Variants in NR1D2 observed in about 807,000 individuals in gnomAD.
The protein encoded by NR1D2 is V-erbA-related protein 1-related.
A neutral mutation model predicts 52.2 loss-of-function variants in NR1D2; 25 were observed. The observed-to-expected ratio is 0.48, with a 90% CI of 0.35 to 0.67. NR1D2 has a LOEUF of 0.67. Ranked by LOEUF, NR1D2 falls within the 30% of genes least tolerant of loss-of-function variation. The pLI is 0.01. For missense variants in NR1D2, 681 were observed against 707.2 expected (o/e 0.96, Z 0.42); for synonymous variants, 259 against 230.1 (o/e 1.13, Z -1.14).
At chr3:23,969,931 G>A (rs1357245626) in intron 7 of NR1D2, among the ~76,000 whole-genome samples, 2 of 152,158 alleles carry the variant, frequency 1.3e-5, no homozygotes, top group Admixed American at 6.5e-5. Flanking sequence ...GGCCGGGGAA[G>A]GGTCAGGTGG....
chr3:23,947,009 G>C (rs1214560757), intron 1 of NR1D2, among the ~76,000 whole-genome samples: 3 of 152,038 alleles, frequency 2.0e-5, no homozygotes, highest in African/African-American at 7.2e-5. Flanking sequence ...TTTTATTTAC[G>C]TATTTTTAGA....
chr3:23,954,586 C>G lies in NR1D2; in HGVS notation c.66C>G (p.Ala22=). 2 of 1,614,134 alleles carry G rather than the reference C, an allele frequency of 1.2e-6. No homozygotes were observed. The highest frequency in any genetic ancestry group is 1.7e-6 in the Non-Finnish European group (2 of 1,179,978). The change falls in exon 2 of 8, where the codon GCC becomes GCG. Residue 22 remains alanine, a synonymous_variant. Coordinates refer to ENST00000312521, the MANE Select transcript of NR1D2 (RefSeq NM_005126.5). ...ISSSSSASSP[A]SCHSEGSENS... is the part of the protein sequence containing the mutation. ...CTTCCAGCTCAGCCTCAAGCCCTGC[C>G]TCTTGTCACAGTGAGGGTTCTGAGA...
At chr3:23,972,209 G>A (rs1281354905) in intron 7 of NR1D2, among the ~76,000 whole-genome samples, 1 of 152,056 alleles carries the variant, frequency 6.6e-6, no homozygotes, top group Non-Finnish European at 1.5e-5. Context: ...CTGTGAGCTG[G>A]GACATGTTAT....
At position 23,979,892 on chromosome 3, in the gene NR1D2, A is replaced by G. The variant is rs1309006411; in HGVS notation, c.*2473A>G. ...GCTTTAACTTTGATTTTACATTTTA[A>G]AGTTAAAATGTGGGCATTATGTCAG... On this transcript the variant is annotated 3_prime_UTR_variant, in exon 8 of 8. Transcript: ENST00000312521. 2 of 152,142 alleles carry G rather than the reference A, an allele frequency of 1.3e-5. No homozygotes were observed. The allele number at this position is 152,142 out of a possible 1,614,324, so 9.4% of individuals were successfully genotyped here.
chr3:23,945,602 C>A lies in NR1D2; in HGVS notation c.16+8C>A. 8.5e-7 allele frequency: 1 copy of A among 1,173,302 alleles called. No individual in the cohort carries two copies. 72.7% of individuals were successfully genotyped at this position (1,173,302 alleles called of 1,614,324 possible). A position where few individuals can be genotyped will look rare whatever the true frequency, so the allele number is the denominator to read the frequency against. On this transcript the variant is annotated splice_region_variant and intron_variant, in intron 1 of 7. Transcript: ENST00000312521. ...CCATGGAGGTGAATGCAGGTAAGAA[C>A]CGGACTGCGGCGGGTGGGGGATGGC...
intron 4 of NR1D2, among the ~76,000 whole-genome samples, chr3:23,961,389 C>CTTTTTT (rs869108010): frequency 4.7e-4 from 36 of 75,978 alleles, no homozygotes; most frequent in Admixed American, 8.5e-4. Context: ...CTTTTTCTTT[C>CTTTTTT]TTTTTTTTTT....
intron 4 of NR1D2, chr3:23,960,053 A>AT (rs1003034007): frequency 9.8e-5 from 30 of 307,260 alleles, no homozygotes; most frequent in South Asian, 1.9e-4. Flanking sequence ...AAAAAGAGCC[A>AT]TTTTTTTTCT....
intron 5 of NR1D2, 58 bp downstream of exon 5, chr3:23,962,663 T>C: frequency 2.0e-6 from 3 of 1,502,694 alleles, no homozygotes; most frequent in South Asian, 1.3e-5. Context: ...GAAAATTTTC[T>C]TTTATTCGGG....
At chr3:23,971,188 CT>C (rs1424549898) in intron 7 of NR1D2, among the ~76,000 whole-genome samples, 3 of 152,068 alleles carry the variant, frequency 2.0e-5, no homozygotes, top group African/African-American at 7.2e-5. Context: ...CTTTTTTCCT[CT>C]TTCCTCCACC....
chr3:23,969,222 G>A (rs957515908), intron 7 of NR1D2, among the ~76,000 whole-genome samples: 16 of 151,804 alleles, frequency 1.1e-4, no homozygotes, highest in Admixed American at 7.2e-4. Context: ...GGAGGCAGAG[G>A]TGGCCGTGAG....
At chr3:23,953,342 CAAAAAAAAAAAAAAA>C (rs55698030) in intron 1 of NR1D2, among the ~76,000 whole-genome samples, 1 of 52,440 alleles carries the variant, frequency 1.9e-5, no homozygotes, top group South Asian at 6.6e-4. Context: ...GACTCTGTCT[CAAAAAAAAAAAAAAA>C]AAAAAAAAAA....
intron 7 of NR1D2, among the ~76,000 whole-genome samples, chr3:23,975,780 T>G (rs982350241): frequency 6.6e-6 from 1 of 152,208 alleles, no homozygotes; most frequent in African/African-American, 2.4e-5. Flanking sequence ...AAAACTTATT[T>G]TTATCATTCT....
intron 1 of NR1D2, among the ~76,000 whole-genome samples, chr3:23,946,943 G>C (rs893955254): frequency 6.6e-6 from 1 of 151,996 alleles, no homozygotes; most frequent in African/African-American, 2.4e-5. Context: ...ATCTTGCCTC[G>C]ATAACAAATG....
intron 6 of NR1D2, among the ~76,000 whole-genome samples, chr3:23,965,506 C>T (rs1575156108): frequency 6.6e-6 from 1 of 151,740 alleles, no homozygotes; most frequent in Middle Eastern, 3.4e-3. Flanking sequence ...CTTTGGCCTC[C>T]TAAAGTGCTG....
Position 23,965,050 on chromosome 3 carries a change from T to A in NR1D2, c.1220T>A (p.Met407Lys). ...SGHEIWEEFS[M>K]SFTPAVKEVV... ...CATGAAATCTGGGAAGAATTTTCGA[T>A]GAGCTTCACTCCAGCAGTGAAAGAA... is the stretch of plus-strand genomic sequence containing the variant. Residue 407 changes from methionine to lysine, a missense_variant, in exon 6 of 8, where the codon ATG becomes AAG. Transcript: ENST00000312521. The A allele has an allele frequency of 6.2e-7, 1 of 1,611,946 alleles. No individual in the cohort carries two copies. Among genetic ancestry groups the A allele is most frequent in the South Asian group, 1.1e-5 (1 of 91,036 alleles).
chr3:23,976,836 G>A (rs1028965975), intron 7 of NR1D2, among the ~76,000 whole-genome samples: 1 of 152,182 alleles, frequency 6.6e-6, no homozygotes, highest in East Asian at 1.9e-4. Flanking sequence ...CACACATGGT[G>A]ACATACAAAT....
chr3:23,947,150 C>G (rs554305672), intron 1 of NR1D2, among the ~76,000 whole-genome samples: 2 of 152,076 alleles, frequency 1.3e-5, no homozygotes, highest in African/African-American at 2.4e-5. Context: ...AATTAAACTT[C>G]TACATGTTAG....
chr3:23,948,789 A>G (rs1402300975), intron 1 of NR1D2, among the ~76,000 whole-genome samples: 1 of 152,256 alleles, frequency 6.6e-6, no homozygotes, highest in South Asian at 2.1e-4. Flanking sequence ...CTACTGTGCT[A>G]TAATGTACTT....
chr3:23,962,736 A>G (rs950038769), intron 5 of NR1D2, 131 bp downstream of exon 5: 14 of 832,838 alleles, frequency 1.7e-5, no homozygotes, highest in South Asian at 3.7e-5. Flanking sequence ...TTAATTTTGT[A>G]CAGTATTTTA....
Sources: allele counts gnomAD v4.1 joint callset (sites outside exome capture counted in the v4.1 genomes callset), GRCh38; gene constraint gnomAD v4.1.1; transcripts MANE v1.5; gene names NCBI Gene and HGNC (gene_info 2026-07-23, HGNC 2026-07-21).